SMURF2: variants seen among roughly 807,000 people sequenced by gnomAD.
SMURF2 encodes the protein SMAD specific E3 ubiquitin protein ligase 2, also known as E3 ubiquitin-protein ligase SMURF2.
In SMURF2, 48 loss-of-function variants were observed where a neutral mutation model predicts 109.6. That is an observed-to-expected ratio of 0.44 (90% CI 0.35 to 0.56). The LOEUF is 0.56. SMURF2 is among the 20% of genes least tolerant of loss of function. The pLI, the probability that SMURF2 is intolerant of heterozygous loss-of-function variation, is 0.01. For synonymous variants in SMURF2, 288 were observed against 317.1 expected (o/e 0.91, Z 0.97); for missense variants, 575 against 909.0 (o/e 0.63, Z 4.72).
intron 18 of SMURF2, 37 bp from the exon 19 acceptor site, chr17:64,545,984 C>A: frequency 7.5e-7 from 1 of 1,335,634 alleles, no homozygotes; most frequent in South Asian, 1.2e-5. Context: ...ACAGTTCATT[C>A]AAAATAAGTA....
At chr17:64,574,125 A>C (rs1969455900) in intron 9 of SMURF2, among the ~76,000 whole-genome samples, 2 of 152,184 alleles carry the variant, frequency 1.3e-5, no homozygotes, top group South Asian at 4.1e-4. Flanking sequence ...CCTGAACCTA[A>C]AAGTTAAAAA....
intron 1 of SMURF2, 30 bp from the exon 2 acceptor site, chr17:64,606,670 G>C (rs1555689086): frequency 6.9e-7 from 1 of 1,450,128 alleles, no homozygotes; most frequent in Non-Finnish European, 9.4e-7. Context: ...AAAATACATG[G>C]GAAAAATTAA....
At position 64,596,619 on chromosome 17, in the gene SMURF2, T is replaced by C. The variant is rs1462459011; in HGVS notation, c.200+1763A>G. Among the ~76,000 whole-genome samples the C allele has an allele frequency of 4.0e-3, 449 of 112,824 alleles. 1 individual carries two copies. The highest frequency in any genetic ancestry group is 0.014 in the African/African-American group (430 of 29,852). The allele number at this position is 112,824 out of a possible 152,430, so 74.0% of individuals were successfully genotyped here. On this transcript the variant is annotated intron_variant, in intron 3 of 18. Coordinates refer to ENST00000262435, the MANE Select transcript of SMURF2 (RefSeq NM_022739.4). Reference sequence around the variant, plus strand: ...AAAAAAAAAAAAAAAAGGAAGTCACTAAACCTAGAAGAGACAAAGGAAATT... The same window carrying C: ...AAAAAAAAAAAAAAAAGGAAGTCACCAAACCTAGAAGAGACAAAGGAAATT...
intron 1 of SMURF2, among the ~76,000 whole-genome samples, chr17:64,656,561 T>C (rs1970708168): frequency 6.6e-6 from 1 of 152,092 alleles, no homozygotes; most frequent in Admixed American, 6.5e-5. Flanking sequence ...GTCCAACTCT[T>C]GTAAGAAGCA....
chr17:64,546,288 T>C lies in SMURF2; in HGVS notation c.2122A>G (p.Asn708Asp), dbSNP rs782509803. The change falls in exon 18 of 19, where the codon AAC becomes GAC. Residue 708 changes from asparagine to aspartate, a missense_variant. This residue lies in a region of SMURF2 where 361 missense variants were observed against 612.1 expected (regional missense o/e 0.59). Transcript: ENST00000262435. ...CAAGTGTGGGCTTTCGGCAGGTTGT[T>C]AGTGCAGGCATCAATCTGGTGTATG... Reference protein sequence around the residue: ...FTIHQIDACTNNLPKAHTCFN... With the variant: ...FTIHQIDACTDNLPKAHTCFN... 8 of 1,614,074 alleles carry C rather than the reference T, an allele frequency of 5.0e-6. No homozygotes were observed. Among genetic ancestry groups the C allele is most frequent in the Non-Finnish European group, 5.1e-6 (6 of 1,179,958 alleles).
intron 1 of SMURF2, among the ~76,000 whole-genome samples, chr17:64,614,724 T>C (rs1409719402): frequency 8.5e-5 from 13 of 152,246 alleles, no homozygotes; most frequent in African/African-American, 3.1e-4. Flanking sequence ...GGAATACTCC[T>C]ACATCATTCA....
At chr17:64,552,727 G>A (rs1555683727) in intron 15 of SMURF2, among the ~76,000 whole-genome samples, 1 of 152,068 alleles carries the variant, frequency 6.6e-6, no homozygotes, top group East Asian at 1.9e-4. Context: ...TATATTAGGT[G>A]GAGTCTCGTT....
chr17:64,556,893 CA>C (rs1969128504), intron 13 of SMURF2, among the ~76,000 whole-genome samples: 1 of 152,180 alleles, frequency 6.6e-6, no homozygotes. Context: ...CGCGCACGCA[CA>C]CAAACATATA....
chr17:64,583,120 G>C (rs1969599716), intron 7 of SMURF2, among the ~76,000 whole-genome samples: 1 of 152,046 alleles, frequency 6.6e-6, no homozygotes, highest in African/African-American at 2.4e-5. Context: ...TCAAACTCCT[G>C]AACTCAAGTG....
intron 1 of SMURF2, among the ~76,000 whole-genome samples, chr17:64,611,564 A>C (rs1322587355): frequency 6.6e-6 from 1 of 152,116 alleles, no homozygotes; most frequent in African/African-American, 2.4e-5. Context: ...TTCCCTCCTG[A>C]CATCCTGACA....
intron 1 of SMURF2, among the ~76,000 whole-genome samples, chr17:64,637,792 G>A (rs1970436795): frequency 6.6e-6 from 1 of 151,774 alleles, no homozygotes. Flanking sequence ...TCAAACTACT[G>A]ACTTCAAATG....
chr17:64,647,775 G>C (rs560392401), intron 1 of SMURF2, among the ~76,000 whole-genome samples: 29 of 152,036 alleles, frequency 1.9e-4, no homozygotes, highest in African/African-American at 6.7e-4. Flanking sequence ...AAGACACCTT[G>C]GTAGACACAG....
chr17:64,600,365 A>C (rs1969877516), intron 2 of SMURF2, among the ~76,000 whole-genome samples: 1 of 152,236 alleles, frequency 6.6e-6, no homozygotes, highest in Admixed American at 6.5e-5. Flanking sequence ...CAAAAATGTC[A>C]CTTCATGTGT....
intron 1 of SMURF2, among the ~76,000 whole-genome samples, chr17:64,636,579 G>C (rs1203210928): frequency 7.3e-6 from 1 of 136,148 alleles, no homozygotes; most frequent in East Asian, 2.1e-4. Context: ...ACTCAGCCTG[G>C]ACATCAGGGC....
intron 18 of SMURF2, 102 bp from the exon 19 acceptor site, chr17:64,546,049 A>C: frequency 1.1e-6 from 1 of 889,734 alleles, no homozygotes; most frequent in East Asian, 2.5e-5. Context: ...GTCACACAGA[A>C]AACTAAAAGG....
At chr17:64,572,236 C>T (rs1309438302) in intron 9 of SMURF2, among the ~76,000 whole-genome samples, 4 of 152,102 alleles carry the variant, frequency 2.6e-5, no homozygotes, top group African/African-American at 9.7e-5. Context: ...TAAAATCAAT[C>T]CCAATATTTG....
chr17:64,550,982 G>GA (rs1555683562), intron 16 of SMURF2, among the ~76,000 whole-genome samples: 1 of 152,028 alleles, frequency 6.6e-6, no homozygotes, highest in East Asian at 1.9e-4. Flanking sequence ...TATATTGGAA[G>GA]AATGTACATA....
intron 9 of SMURF2, among the ~76,000 whole-genome samples, chr17:64,572,250 A>T (rs1301133128): frequency 3.3e-5 from 5 of 152,224 alleles, no homozygotes; most frequent in African/African-American, 1.2e-4. Context: ...ATATTTGCCA[A>T]CATAAACTGT....
rs782692376 is a variant in SMURF2, at chr17:64,547,566, C to A, written c.2071+34G>T. 1.9e-6 allele frequency: 3 copies of A among 1,604,314 alleles called. No individual in the cohort carries two copies. Among genetic ancestry groups the A allele is most frequent in the Non-Finnish European group, 2.6e-6 (3 of 1,171,492 alleles). ...CCACGCTGACAGCCCCGCCCCCACC[C>A]GCTGCCCAGCTTGCCTGCACCTCAG... is the stretch of plus-strand genomic sequence containing the variant. On this transcript the variant is annotated intron_variant, in intron 17 of 18. Transcript: ENST00000262435. The surrounding 1 kb of genome is among the most constrained non-coding windows in gnomAD (Gnocchi z 4.2).
Sources: allele counts gnomAD v4.1 joint callset (sites outside exome capture counted in the v4.1 genomes callset), GRCh38; gene constraint gnomAD v4.1.1; regional missense constraint gnomAD v4.1.1; non-coding constraint Gnocchi (gnomAD v3.1); transcripts MANE v1.5; gene names NCBI Gene and HGNC (gene_info 2026-07-23, HGNC 2026-07-21).